Variants in RP1 observed in about 807,000 individuals in gnomAD.
RP1 encodes the protein oxygen-regulated protein 1.
Under a neutral mutation model 14.8 loss-of-function variants are expected in RP1, and 16 were observed. The ratio of observed to expected loss-of-function variants is 1.08; its 90% CI spans 0.73 to 1.65. The LOEUF is 1.65. Among genes scored for constraint, RP1 ranks in the 40% most tolerant of loss-of-function variants. The pLI, the probability that RP1 is intolerant of heterozygous loss-of-function variation, is 0.00. For synonymous variants in RP1, 876 were observed against 883.6 expected (o/e 0.99, Z 0.15); for missense variants, 2,631 against 2,535.0 (o/e 1.04, Z -0.81).
At chr8:54,672,486 T>C (rs1807200475) in intron 7 of RP1, among the ~76,000 whole-genome samples, 1 of 152,192 alleles carries the variant, frequency 6.6e-6, no homozygotes, top group South Asian at 2.1e-4. Context: ...ATCTCTTAAG[T>C]GGTTTCTAAA....
chr8:54,745,308 G>A (rs1809195632), intron 19 of RP1, among the ~76,000 whole-genome samples: 1 of 152,164 alleles, frequency 6.6e-6, no homozygotes, highest in African/African-American at 2.4e-5. Flanking sequence ...GGTTCTGAGA[G>A]GAAAGGTTGG....
At chr8:54,570,351 CAG>C (rs1804494522) in intron 1 of RP1, among the ~76,000 whole-genome samples, 1 of 146,930 alleles carries the variant, frequency 6.8e-6, no homozygotes, top group Admixed American at 6.9e-5. Context: ...TTTTTTGAGA[CAG>C]AGTCTCGTTC....
chr8:54,783,888 CG>C (rs1365491494), intron 24 of RP1, among the ~76,000 whole-genome samples: 1 of 152,048 alleles, frequency 6.6e-6, no homozygotes, highest in Non-Finnish European at 1.5e-5. Context: ...ACAACAGGGA[CG>C]TAGGATTTTT....
intron 18 of RP1, among the ~76,000 whole-genome samples, chr8:54,738,688 T>A (rs1210416547): frequency 6.6e-6 from 1 of 152,188 alleles, no homozygotes; most frequent in African/African-American, 2.4e-5. Flanking sequence ...ATGTGTGTTC[T>A]TCATCCTGTT....
chr8:54,794,075 C>T (rs184060470), intron 24 of RP1, among the ~76,000 whole-genome samples: 28 of 151,684 alleles, frequency 1.8e-4, no homozygotes, highest in South Asian at 6.2e-4. Flanking sequence ...TACAATTAAA[C>T]GGAAAGATAT....
intron 1 of RP1, among the ~76,000 whole-genome samples, chr8:54,571,382 C>G (rs1396502814): frequency 6.6e-6 from 1 of 152,212 alleles, no homozygotes; most frequent in Non-Finnish European, 1.5e-5. Context: ...CTGCTCATGG[C>G]TGTGTCCTGG....
At chr8:54,828,427 T>C (rs970771041) in intron 24 of RP1, among the ~76,000 whole-genome samples, 8 of 152,110 alleles carry the variant, frequency 5.3e-5, no homozygotes, top group African/African-American at 1.4e-4. Flanking sequence ...AACTAGTTGG[T>C]AGAAAGACCT....
chr8:54,677,106 A>T (rs1040734072), intron 8 of RP1, among the ~76,000 whole-genome samples: 1 of 151,236 alleles, frequency 6.6e-6, no homozygotes, highest in Non-Finnish European at 1.5e-5. Flanking sequence ...ATGACTAGCC[A>T]TACTGGTTTG....
At chr8:54,666,307 T>C (rs930201947) in intron 7 of RP1, among the ~76,000 whole-genome samples, 1 of 151,760 alleles carries the variant, frequency 6.6e-6, no homozygotes, top group African/African-American at 2.4e-5. Context: ...AGTGAGAAAA[T>C]GGGATTTGGG....
rs200781026 is a variant in RP1 at position 54,762,213 on chromosome 8, TC to T, written c.3248+3139del. 7.2e-3 allele frequency among the ~76,000 whole-genome samples: 1,092 copies of T among 152,240 alleles called. 8 individuals are homozygous for T. Among genetic ancestry groups the T allele is most frequent in the African/African-American group, 0.025 (1,029 of 41,514 alleles). Reference sequence around the variant, plus strand: ...AAAGGAAAGAAAATCTCGGTCATGCTCCTTGGAGTTTCCTCAGAGAACAAGA... The same window carrying T: ...AAAGGAAAGAAAATCTCGGTCATGCTCTTGGAGTTTCCTCAGAGAACAAGA... On this transcript the variant is annotated intron_variant, in intron 22 of 22. Transcript: ENST00000636932.
At chr8:54,564,506 A>G (rs958958808) in intron 1 of RP1, among the ~76,000 whole-genome samples, 2 of 152,176 alleles carry the variant, frequency 1.3e-5, no homozygotes, top group African/African-American at 4.8e-5. Context: ...CGCTGTTGAC[A>G]CTGTCTCATG....
At position 54,621,601 on chromosome 8, in the gene RP1, C is replaced by T. The variant is rs373748746; in HGVS notation, c.615+20C>T. The T allele has an allele frequency of 3.4e-5, 55 of 1,613,796 alleles. No homozygotes were observed. Among genetic ancestry groups the T allele is most frequent in the Non-Finnish European group, 4.3e-5 (51 of 1,180,032 alleles). On this transcript the variant is annotated intron_variant, in intron 2 of 3. Transcript: ENST00000220676. ...AGGAGGGTGAGCGTTCTGGGGGCTC[C>T]TCGAGCCTGAGCTCATTTTGAGCAC... is the stretch of plus-strand genomic sequence containing the variant.
At chr8:54,772,239 T>G (rs1157427513), downstream of RP1, among the ~76,000 whole-genome samples, 1 of 152,086 alleles carries the variant, frequency 6.6e-6, no homozygotes, top group East Asian at 1.9e-4. Flanking sequence ...TGAGAGAATG[T>G]TTTCAGTATC....
chr8:54,611,490 G>T (rs1182581548), upstream of RP1, among the ~76,000 whole-genome samples: 1 of 151,998 alleles, frequency 6.6e-6, no homozygotes, highest in African/African-American at 2.4e-5. Context: ...CTGCTCTTGT[G>T]AATTTTTCAT....
At chr8:54,773,842 TG>T (rs1809970212), downstream of RP1, among the ~76,000 whole-genome samples, 1 of 152,186 alleles carries the variant, frequency 6.6e-6, no homozygotes, top group Non-Finnish European at 1.5e-5. Context: ...TAAAAATTCT[TG>T]GAGCACTTAC....
rs769662537 is a variant in RP1, at chr8:54,627,965, G to C, written c.4083G>C (p.Glu1361Asp). The change falls in exon 4 of 4, where the codon GAG becomes GAC. Residue 1361 changes from glutamate to aspartate, a missense_variant. By Grantham distance (45) the Glu-to-Asp change is conservative. Transcript: ENST00000220676. ...CTGATAACTTGGATTCAACTGAAGA[G>C]TTAGAAAGAGGTGATGACATTCAGA... ...TYTDNLDSTE[E>D]LERGDDIQKD... The C allele has an allele frequency of 1.2e-6, 2 of 1,613,966 alleles. No homozygotes were observed. Among genetic ancestry groups the C allele is most frequent in the Non-Finnish European group, 1.7e-6 (2 of 1,179,972 alleles).
In RP1 at chr8:54,628,490, A is replaced by G. The variant is rs1806146976; in HGVS notation, c.4608A>G (p.Pro1536=). Residue 1536 remains proline, a synonymous_variant, in exon 4 of 4, where the codon CCA becomes CCG. Transcript: ENST00000220676. The part of the protein sequence containing the change: ...EIISKRLATP[P]SLDFCYDSKQ... ...TCAGTAAGAGGCTGGCAACACCACC[A>G]TCTTTAGATTTTTGCTATGATTCTA... 1 of 1,613,786 alleles carries G rather than the reference A, an allele frequency of 6.2e-7. No homozygotes were observed. Among genetic ancestry groups the G allele is most frequent in the Non-Finnish European group, 8.5e-7 (1 of 1,179,894 alleles).
At chr8:54,711,345 A>G (rs531512583) in intron 15 of RP1, among the ~76,000 whole-genome samples, 56 of 152,230 alleles carry the variant, frequency 3.7e-4, no homozygotes, top group African/African-American at 1.3e-3. Context: ...AAAAATTCCA[A>G]TCCTGTTCTT....
intron 23 of RP1, among the ~76,000 whole-genome samples, chr8:54,781,925 T>C (rs1298015123): frequency 6.6e-6 from 1 of 152,134 alleles, no homozygotes. Flanking sequence ...TTTGCCTCTA[T>C]TTCAGTAAAC....
Sources: allele counts gnomAD v4.1 joint callset (sites outside exome capture counted in the v4.1 genomes callset), GRCh38; gene constraint gnomAD v4.1.1; transcripts MANE v1.5; gene names NCBI Gene and HGNC (gene_info 2026-07-23, HGNC 2026-07-21).